The following MCM8 variants were observed in gnomAD, a reference collection of about 807,000 sequenced individuals.
The protein encoded by MCM8 is DNA helicase MCM8.
MCM8 carries 85 observed loss-of-function variants against 98.9 expected under a neutral mutation model. The observed-to-expected ratio is 0.86, with a 90% CI of 0.72 to 1.03. MCM8 has a LOEUF of 1.03. MCM8 is among the 50% of genes least tolerant of loss of function. The probability of loss-of-function intolerance (pLI) is 0.00; values close to 1 mark genes in which losing one functional copy is unlikely to be tolerated. For synonymous variants in MCM8, 352 were observed against 338.6 expected (o/e 1.04, Z -0.44); for missense variants, 951 against 997.8 (o/e 0.95, Z 0.63).
chr20:5,983,603 G>A (rs558536418), intron 14 of MCM8, among the ~76,000 whole-genome samples: 1 of 152,254 alleles, frequency 6.6e-6, no homozygotes, highest in African/African-American at 2.4e-5. Flanking sequence ...GGGAGGCTGA[G>A]GCAGGAGAAT....
chr20:5,983,197 G>T (rs371646402), intron 14 of MCM8, 32 bp downstream of exon 14: 8 of 1,527,138 alleles, frequency 5.2e-6, no homozygotes, highest in Non-Finnish European at 7.2e-6. Context: ...TACCTTTAAT[G>T]TATTGAATCA....
chr20:5,961,701 A>G (rs1423385872), intron 7 of MCM8, among the ~76,000 whole-genome samples: 1 of 152,208 alleles, frequency 6.6e-6, no homozygotes, highest in African/African-American at 2.4e-5. Context: ...GTGCAGGGGC[A>G]TGAATACAGC....
chr20:5,966,240 G>A (rs1364240975), intron 8 of MCM8, among the ~76,000 whole-genome samples: 2 of 151,796 alleles, frequency 1.3e-5, no homozygotes, highest in Non-Finnish European at 2.9e-5. Context: ...GTATCTAGTT[G>A]TCTCTATCCT....
At chr20:5,991,148 A>G (rs2089843612) in intron 17 of MCM8, 1 of 152,212 alleles carries the variant, frequency 6.6e-6, no homozygotes, top group Non-Finnish European at 1.5e-5. Flanking sequence ...TCAACTGTTT[A>G]CTGTTTCCCC....
intron 17 of MCM8, among the ~76,000 whole-genome samples, chr20:5,989,120 C>CTTTTTTT (rs1172678780): frequency 4.2e-5 from 5 of 120,312 alleles, no homozygotes; most frequent in Non-Finnish European, 3.3e-5. Flanking sequence ...TAGCGCAAGT[C>CTTTTTTT]TTTTTTTTTT....
At position 5,984,859 on chromosome 20, in the gene MCM8, A is replaced by ACT; in HGVS notation, c.1817_1818dup (p.Glu607LeufsTer4). On this transcript the variant is annotated frameshift_variant, in exon 15 of 19. Transcript: ENST00000610722. LOFTEE classifies it high-confidence loss of function. ...CTCCAAATGAGCATCATGATCACTT[A>ACT]CTCTCTGAACATGTGATTGCAATAA... The ACT allele has an allele frequency of 6.2e-7, 1 of 1,614,052 alleles. No homozygotes were observed. The highest frequency in any genetic ancestry group is 8.5e-7 in the Non-Finnish European group (1 of 1,179,958).
At chr20:5,992,904 T>G (rs2089882052) in intron 17 of MCM8, among the ~76,000 whole-genome samples, 2 of 152,222 alleles carry the variant, frequency 1.3e-5, no homozygotes, top group Admixed American at 6.5e-5. Flanking sequence ...ACAGGATGGT[T>G]AATTATGTTT....
Position 5,956,805 on chromosome 20 carries a change from ATT to A in MCM8, c.487-309_487-308del, listed in dbSNP as rs558916748. Among the ~76,000 whole-genome samples the A allele has an allele frequency of 6.5e-4, 94 of 144,800 alleles. 1 individual carries two copies. In the South Asian group the frequency reaches 0.02, roughly 30 times the overall value. 95.0% of individuals were successfully genotyped at this position (144,800 alleles called of 152,430 possible). On this transcript the variant is annotated intron_variant, in intron 5 of 18. Transcript: ENST00000610722. ...AGTGAATATAGAGAAATAGGAATGCATTTTTTTTTTTTTAATTAGTATCAAGA... is the reference window on the plus strand; with the variant it reads ...AGTGAATATAGAGAAATAGGAATGCATTTTTTTTTTTAATTAGTATCAAGA...
At chr20:5,968,152 A>G (rs1297732461) in intron 10 of MCM8, 127 bp downstream of exon 10, 3 of 645,680 alleles carry the variant, frequency 4.6e-6, no homozygotes, top group Non-Finnish European at 5.3e-6. Context: ...ACAGTACTCC[A>G]TCCCCTTGAG....
intron 6 of MCM8, 40 bp from the exon 7 acceptor site, chr20:5,958,488 A>G: frequency 6.6e-7 from 1 of 1,524,042 alleles, no homozygotes. Flanking sequence ...AATATAAAAA[A>G]CATCAATTTT....
rs772787430 is a variant in MCM8 at position 5,973,184 on chromosome 20, T to C, written c.1383T>C (p.Ser461=). 1 of 1,614,162 alleles carries C rather than the reference T, an allele frequency of 6.2e-7. No individual in the cohort carries two copies. The highest frequency in any genetic ancestry group is 1.7e-5 in the Admixed American group (1 of 60,010). The change falls in exon 12 of 19, where the codon AGT becomes AGC. Residue 461 remains serine (S), a synonymous_variant. Transcript: ENST00000610722. ...LVVGDPGLGK[S]QMLQAACNVA... ...TTGGAGATCCAGGCCTAGGAAAAAG[T>C]CAAATGCTACAGGTAGACAATCAGT...
intron 12 of MCM8, among the ~76,000 whole-genome samples, chr20:5,974,064 G>A (rs1247642074): frequency 6.6e-6 from 1 of 152,222 alleles, no homozygotes; most frequent in Non-Finnish European, 1.5e-5. Flanking sequence ...GATGGCTTTA[G>A]AAGGTGCTGC....
At chr20:5,971,611 A>G (rs2089404981) in intron 10 of MCM8, among the ~76,000 whole-genome samples, 1 of 152,164 alleles carries the variant, frequency 6.6e-6, no homozygotes, top group Non-Finnish European at 1.5e-5. Flanking sequence ...TACTGAGTTC[A>G]CTTCTCAGTC....
At position 5,978,310 on chromosome 20, in the gene MCM8, A is replaced by C. The variant is rs183188844; in HGVS notation, c.1537+293A>C. On this transcript the variant is annotated intron_variant, in intron 13 of 18. Transcript: ENST00000610722. ...CTGAACTTCCCATTTCATACCACCT[A>C]TCATATTTGTGATCATTTTTTTTAA... 3.5e-3 allele frequency among the ~76,000 whole-genome samples: 503 copies of C among 145,272 alleles called. 1 individual carries two copies. The highest frequency in any genetic ancestry group is 0.011 in the Middle Eastern group (3 of 284).
At chr20:5,993,359 G>A (rs572853836) in intron 17 of MCM8, 147 bp from the exon 18 acceptor site, 9 of 479,730 alleles carry the variant, frequency 1.9e-5, no homozygotes, top group African/African-American at 1.5e-4. Context: ...GAATTTCAGA[G>A]TGGCCCCTCA....
In MCM8 at chr20:5,993,678, A is replaced by G. The variant is rs2089898792; in HGVS notation, c.2413A>G (p.Lys805Glu). Reference sequence around the variant, plus strand: ...ATTTCATCAACTTCGGCAGATTGCCAAAGAACTAAACATTCAGGTATGTTA... The same window carrying G: ...ATTTCATCAACTTCGGCAGATTGCCGAAGAACTAAACATTCAGGTATGTTA... The part of the protein sequence containing the change: ...FQFHQLRQIA[K>E]ELNIQVADFE... Residue 805 changes from lysine to glutamate, a missense_variant, in exon 18 of 19, where the codon AAA becomes GAA. Lys to Glu is a moderately conservative substitution (Grantham distance 56). Coordinates refer to ENST00000610722, the MANE Select transcript of MCM8 (RefSeq NM_032485.6). The G allele has an allele frequency of 6.2e-7, 1 of 1,604,162 alleles. No individual in the cohort carries two copies. Among genetic ancestry groups the G allele is most frequent in the East Asian group, 2.2e-5 (1 of 44,800 alleles).
At position 5,963,261 on chromosome 20, in the gene MCM8, T is replaced by C. The variant is rs769101621; in HGVS notation, c.790-13T>C. Reference sequence around the variant, plus strand: ...ATCAAAATCTGAATGTGAATTACTTTTGTTTCATTCAGTGTCCTGTGCCTG... The same window carrying C: ...ATCAAAATCTGAATGTGAATTACTTCTGTTTCATTCAGTGTCCTGTGCCTG... On this transcript the variant is annotated splice_polypyrimidine_tract_variant and intron_variant, in intron 7 of 18. Coordinates refer to ENST00000610722, the MANE Select transcript of MCM8 (RefSeq NM_032485.6). 3.8e-6 allele frequency: 6 copies of C among 1,596,518 alleles called. No homozygotes were observed. Among genetic ancestry groups the C allele is most frequent in the South Asian group, 2.2e-5 (2 of 90,654 alleles).
chr20:5,964,719 G>C (rs2089236715), intron 8 of MCM8: 1 of 152,242 alleles, frequency 6.6e-6, no homozygotes, highest in South Asian at 2.1e-4. Flanking sequence ...TTGAAGTCGT[G>C]CAGGTTAGGT....
At chr20:5,964,273 C>G (rs1350394947) in intron 8 of MCM8, among the ~76,000 whole-genome samples, 1 of 152,012 alleles carries the variant, frequency 6.6e-6, no homozygotes, top group Admixed American at 6.6e-5. Context: ...GCAAACCTGG[C>G]TGAAATGAGA....
Sources: allele counts gnomAD v4.1 joint callset (sites outside exome capture counted in the v4.1 genomes callset), GRCh38; gene constraint gnomAD v4.1.1; transcripts MANE v1.5; gene names NCBI Gene and HGNC (gene_info 2026-07-23, HGNC 2026-07-21).